PPP1R16A: variants seen among roughly 807,000 people sequenced by gnomAD.
PPP1R16A encodes the protein protein phosphatase 1 regulatory subunit 16A.
A neutral mutation model predicts 46.6 loss-of-function variants in PPP1R16A; 39 were observed. The observed-to-expected ratio is 0.84, with a 90% CI of 0.65 to 1.09. The LOEUF (loss-of-function observed/expected upper bound fraction) is 1.09. PPP1R16A is among the 50% of genes least tolerant of loss of function. The probability of loss-of-function intolerance (pLI) is 0.00; values close to 1 mark genes in which losing one functional copy is unlikely to be tolerated. For missense variants in PPP1R16A, 798 were observed against 735.6 expected, an observed-to-expected ratio of 1.08 and a Z score of -0.98; for synonymous variants, 413 against 321.5, an observed-to-expected ratio of 1.28 and a Z score of -3.04.
In PPP1R16A at chr8:144,482,893, G is replaced by A. The variant is rs146759622; in HGVS notation, c.-914+4766G>A. On this transcript the variant is annotated intron_variant, in intron 1 of 11. Coordinates refer to ENST00000435887, the MANE Select transcript of PPP1R16A (RefSeq NM_001329443.2). The stretch of plus-strand genomic sequence containing the variant: ...GAGCTCCTGACCTCATGGTCCACCC[G>A]CCTCAGCCTCCCAAAGTGCTGGGAT... Among the ~76,000 whole-genome samples, 4 of 152,040 alleles carry A rather than the reference G, an allele frequency of 2.6e-5. No homozygotes were observed. The East Asian group carries it at 7.7e-4, about 29-fold the overall frequency.
At position 144,501,117 on chromosome 8, in the gene PPP1R16A, TCTC is replaced by T. The variant is rs754271637; in HGVS notation, c.1038-7_1038-5del. 6.2e-7 allele frequency: 1 copy of T among 1,609,846 alleles called. No homozygotes were observed. Among genetic ancestry groups the T allele is most frequent in the Admixed American group, 1.7e-5 (1 of 59,956 alleles). On this transcript the variant is annotated splice_polypyrimidine_tract_variant and intron_variant, in intron 10 of 11. Transcript: ENST00000435887. ...CCCCTTCCCCTCACTCCCTCTCCTC[TCTC>T]CTCCCCAGGAAGGTGGTGAGGCGGG...
intron 11 of PPP1R16A, 54 bp downstream of exon 11, chr8:144,501,348 T>TG: frequency 6.6e-7 from 1 of 1,522,536 alleles, no homozygotes. Flanking sequence ...GGCTCTGCCC[T>TG]GGTTCTCTCT....
intron 1 of PPP1R16A, among the ~76,000 whole-genome samples, chr8:144,484,238 A>G (rs1435177668): frequency 4.6e-5 from 7 of 152,244 alleles, no homozygotes; most frequent in Admixed American, 3.9e-4. Context: ...ATACCGAGTC[A>G]GAGCAAATCC....
chr8:144,494,019 A>G (rs1295404887), intron 2 of PPP1R16A, among the ~76,000 whole-genome samples: 1 of 152,194 alleles, frequency 6.6e-6, no homozygotes, highest in African/African-American at 2.4e-5. Context: ...GAAACAAGAC[A>G]GGCGTTCCGT....
intron 2 of PPP1R16A, among the ~76,000 whole-genome samples, chr8:144,490,886 C>T (rs910486842): frequency 2.0e-5 from 3 of 152,200 alleles, no homozygotes; most frequent in Admixed American, 2.0e-4. Context: ...GAGACCCCAA[C>T]TCCACACACA....
rs1826354945 is a variant in PPP1R16A at position 144,500,328 on chromosome 8, C to T, written c.642C>T (p.Asp214=). Residue 214 remains aspartate (D), a synonymous_variant, in exon 7 of 12, where the codon GAC becomes GAT. Coordinates refer to ENST00000435887, the MANE Select transcript of PPP1R16A (RefSeq NM_001329443.2). The part of the protein sequence containing the change: ...RAVPELRMLD[D]IRSRLQAGAD... ...TGCCAGAACTGCGCATGCTGGACGA[C>T]ATCCGGAGCCGGCTGCAGGCCGGGG... The T allele has an allele frequency of 3.2e-6, 5 of 1,538,578 alleles. No homozygotes were observed. The South Asian group carries it at 4.8e-5, about 15-fold the overall frequency.
intron 1 of PPP1R16A, among the ~76,000 whole-genome samples, chr8:144,481,250 A>G (rs942375367): frequency 4.6e-5 from 7 of 152,092 alleles, no homozygotes; most frequent in African/African-American, 1.7e-4. Flanking sequence ...GTTGCCCCCA[A>G]AAGTTCTCTC....
At chr8:144,483,362 C>CT (rs1217778603) in intron 1 of PPP1R16A, among the ~76,000 whole-genome samples, 45 of 152,156 alleles carry the variant, frequency 3.0e-4, no homozygotes, top group African/African-American at 1.1e-3. Flanking sequence ...ATTTTTTGAA[C>CT]TTTGTCATCC....
rs1586768887 is a variant in PPP1R16A, at chr8:144,502,071, A to G, written c.*168A>G. ...CATGCCTGGAGGGATGTCTGGCTGC[A>G]AAGACTATTTTTATCCTGCAACTCT... is the stretch of plus-strand genomic sequence containing the variant. On this transcript the variant is annotated 3_prime_UTR_variant, in exon 12 of 12. Transcript: ENST00000435887. 1.3e-5 allele frequency: 8 copies of G among 634,920 alleles called. No homozygotes were observed. In the East Asian group the frequency reaches 2.4e-4, roughly 19 times the overall value. The allele number at this position is 634,920 out of a possible 1,614,324, so 39.3% of individuals were successfully genotyped here. A position where few individuals can be genotyped will look rare whatever the true frequency, so the allele number is the denominator to read the frequency against.
intron 1 of PPP1R16A, among the ~76,000 whole-genome samples, chr8:144,485,385 G>A (rs868297143): frequency 3.3e-5 from 5 of 151,610 alleles, no homozygotes; most frequent in East Asian, 1.9e-4. Flanking sequence ...TTAGCCAGGC[G>A]TGGTGGCACA....
At chr8:144,487,495 A>C (rs146910308) in intron 1 of PPP1R16A, among the ~76,000 whole-genome samples, 1 of 152,068 alleles carries the variant, frequency 6.6e-6, no homozygotes, top group Non-Finnish European at 1.5e-5. Context: ...TCAGCCTCCC[A>C]AGTAGCTGGA....
rs1826095053 is a variant in PPP1R16A, at chr8:144,496,900, C to G, written c.-295C>G. Reference sequence around the variant, plus strand: ...GGCTGCCTCCCATAGGTTGTGCACCCTGACCCCGAGAGGGAGGCGAGGCGC... The same window carrying G: ...GGCTGCCTCCCATAGGTTGTGCACCGTGACCCCGAGAGGGAGGCGAGGCGC... On this transcript the variant is annotated 5_prime_UTR_variant, in exon 3 of 12. Transcript: ENST00000435887. 7.5e-6 allele frequency: 4 copies of G among 536,474 alleles called. No homozygotes were observed. Among genetic ancestry groups the G allele is most frequent in the Non-Finnish European group, 1.0e-5 (3 of 296,270 alleles). The allele number at this position is 536,474 out of a possible 1,614,324, so 33.2% of individuals were successfully genotyped here.
In PPP1R16A at chr8:144,500,615, G is replaced by C. The variant is rs771407906; in HGVS notation, c.831+3G>C. 2 of 1,601,846 alleles carry C rather than the reference G, an allele frequency of 1.2e-6. No homozygotes were observed. Among genetic ancestry groups the C allele is most frequent in the South Asian group, 2.2e-5 (2 of 90,902 alleles). ...ACGCCGCGGCCTACTGGGGCCAGGT[G>C]AGTGCGGGCGGGAGCAGGTGGGAGG... is the stretch of plus-strand genomic sequence containing the variant. On this transcript the variant is annotated splice_donor_region_variant and intron_variant, in intron 8 of 11. Coordinates refer to ENST00000435887, the MANE Select transcript of PPP1R16A (RefSeq NM_001329443.2).
chr8:144,486,439 T>A (rs1191159376), intron 1 of PPP1R16A, among the ~76,000 whole-genome samples: 3 of 152,166 alleles, frequency 2.0e-5, no homozygotes, highest in African/African-American at 7.2e-5. Flanking sequence ...CATGTTGAGC[T>A]GTTTTGGTTT....
At chr8:144,488,497 G>A (rs1825692943) in intron 1 of PPP1R16A, among the ~76,000 whole-genome samples, 1 of 152,116 alleles carries the variant, frequency 6.6e-6, no homozygotes, top group Non-Finnish European at 1.5e-5. Context: ...GAGAGGAGGC[G>A]ATGGGCAGAG....
At chr8:144,498,334 T>C (rs1214087889) in intron 3 of PPP1R16A, 1 of 342,166 alleles carries the variant, frequency 2.9e-6, no homozygotes, top group Non-Finnish European at 5.8e-6. Context: ...AGGGATGTGC[T>C]CTGGTGGTGG....
chr8:144,478,256 G>A (rs1034814032), intron 1 of PPP1R16A, 129 bp downstream of exon 1: 5 of 386,036 alleles, frequency 1.3e-5, no homozygotes, highest in African/African-American at 2.1e-5. Flanking sequence ...GCCGGGCCGG[G>A]GAAGGATGAG....
At chr8:144,501,468 C>T (rs1296008639) in intron 11 of PPP1R16A, 52 bp from the exon 12 acceptor site, 1 of 1,488,280 alleles carries the variant, frequency 6.7e-7, no homozygotes, top group Non-Finnish European at 9.0e-7. Flanking sequence ...AACCCAAGGC[C>T]AGGGAGGGGG....
At position 144,493,763 on chromosome 8, in the gene PPP1R16A, AG is replaced by A. The variant is rs1475231958; in HGVS notation, c.-734-2696del. Among the ~76,000 whole-genome samples, 1 of 152,040 alleles carries A rather than the reference AG, an allele frequency of 6.6e-6. No homozygotes were observed. The highest frequency in any genetic ancestry group is 1.5e-5 in the Non-Finnish European group (1 of 67,956). ...TGGGTACCTCGTTTTCTCTTAGAGG[AG>A]GCAGTTGGACCCTCGAGCAGGACAG... On this transcript the variant is annotated intron_variant, in intron 2 of 11. Coordinates refer to ENST00000435887, the MANE Select transcript of PPP1R16A (RefSeq NM_001329443.2). This position sits in a 1 kb window ranked among gnomAD's most constrained non-coding sequence, Gnocchi z 4.3.
Sources: gnomAD v4.1 joint callset for allele counts (sites outside exome capture counted in the v4.1 genomes callset) on GRCh38, gnomAD v4.1.1 for gene constraint, Gnocchi (gnomAD v3.1) non-coding constraint, MANE v1.5 for transcripts, NCBI Gene and HGNC (gene_info 2026-07-23, HGNC 2026-07-21) for gene names.